Variants in RANBP2 observed in about 807,000 individuals in gnomAD.
The protein encoded by RANBP2 is RAN binding protein 2.
RANBP2 carries 57 observed loss-of-function variants against 303.6 expected under a neutral mutation model. The ratio of observed to expected loss-of-function variants is 0.19; its 90% CI spans 0.15 to 0.23. The LOEUF (loss-of-function observed/expected upper bound fraction) is 0.23. Ranked by LOEUF, RANBP2 falls within the 10% of genes least tolerant of loss-of-function variation. RANBP2 has a pLI of 1.00. For synonymous variants in RANBP2, 1,167 were observed against 1,301.5 expected (o/e 0.90, Z 2.23); for missense variants, 3,138 against 3,780.8 (o/e 0.83, Z 4.46).
the RANBP2 span, among the ~76,000 whole-genome samples, chr2:109,113,916 T>C: frequency 6.6e-6 from 1 of 152,272 alleles, no homozygotes; most frequent in Non-Finnish European, 1.5e-5. Flanking sequence ...TCTTTGGTTC[T>C]GTTTATATGC....
At chr2:109,401,206 C>A in the RANBP2 span, among the ~76,000 whole-genome samples, 1 of 152,180 alleles carries the variant, frequency 6.6e-6, no homozygotes, top group Non-Finnish European at 1.5e-5. Context: ...TAACTTTGGC[C>A]CAGAGCTGGG....
At chr2:109,127,593 C>G in the RANBP2 span, 1 of 152,212 alleles carries the variant, frequency 6.6e-6, no homozygotes, top group Non-Finnish European at 1.5e-5. Context: ...GCCTGTACTC[C>G]CAGCACTTTG....
the RANBP2 span, among the ~76,000 whole-genome samples, chr2:109,610,923 G>A: frequency 6.6e-6 from 1 of 152,184 alleles, no homozygotes. Context: ...ATCTGGGGGA[G>A]AGAAGAATAA....
chr2:109,394,088 G>C, the RANBP2 span, among the ~76,000 whole-genome samples: 2 of 152,150 alleles, frequency 1.3e-5, no homozygotes, highest in Non-Finnish European at 2.9e-5. Context: ...CAAGGCTAAA[G>C]AGCACTCTAA....
chr2:109,616,279 C>T, the RANBP2 span: 3 of 598,788 alleles, frequency 5.0e-6, no homozygotes, highest in Non-Finnish European at 7.4e-6. Context: ...TGTACCTCTT[C>T]TCTGCCCTCC....
At chr2:108,868,295 C>T in the RANBP2 span, among the ~76,000 whole-genome samples, 2 of 152,094 alleles carry the variant, frequency 1.3e-5, no homozygotes, top group East Asian at 1.9e-4. Flanking sequence ...CCCCTTTTTC[C>T]TTATTACTGA....
At chr2:109,600,155 C>A in the RANBP2 span, among the ~76,000 whole-genome samples, 4 of 151,894 alleles carry the variant, frequency 2.6e-5, no homozygotes, top group Non-Finnish European at 5.9e-5. Context: ...CAGACTTTGT[C>A]AGATCCACAC....
the RANBP2 span, chr2:108,908,000 C>T: frequency 6.2e-7 from 1 of 1,610,012 alleles, no homozygotes; most frequent in Non-Finnish European, 8.5e-7. Context: ...TGCTCATTCT[C>T]GGATGAGGCA....
the RANBP2 span, among the ~76,000 whole-genome samples, chr2:108,800,172 G>T: frequency 6.6e-6 from 1 of 152,052 alleles, no homozygotes; most frequent in East Asian, 1.9e-4. Context: ...AGACCTTCTG[G>T]TTAATGCATA....
At chr2:109,235,251 G>T in the RANBP2 span, among the ~76,000 whole-genome samples, 1 of 152,158 alleles carries the variant, frequency 6.6e-6, no homozygotes, top group Non-Finnish European at 1.5e-5. Context: ...GAATAGTTCT[G>T]GGAGGACTGG....
chr2:109,705,360 C>A, the RANBP2 span, among the ~76,000 whole-genome samples: 1 of 150,808 alleles, frequency 6.6e-6, no homozygotes, highest in Admixed American at 6.6e-5. Context: ...GAGCTGAGAT[C>A]ACACCATTGC....
chr2:109,264,742 C>T, the RANBP2 span, among the ~76,000 whole-genome samples: 2 of 152,200 alleles, frequency 1.3e-5, no homozygotes, highest in African/African-American at 4.8e-5. Flanking sequence ...GTGCCCTTCC[C>T]AGGCCCACTG....
At chr2:109,471,820 G>A in the RANBP2 span, among the ~76,000 whole-genome samples, 4 of 152,180 alleles carry the variant, frequency 2.6e-5, no homozygotes, top group South Asian at 8.3e-4. Context: ...TTTTGCATGG[G>A]GCACGTCTTG....
the RANBP2 span, among the ~76,000 whole-genome samples, chr2:109,358,077 A>G: frequency 3.3e-5 from 5 of 152,166 alleles, no homozygotes; most frequent in African/African-American, 1.2e-4. Flanking sequence ...ACCCCTGGCA[A>G]CCACTGACCT....
the RANBP2 span, among the ~76,000 whole-genome samples, chr2:109,287,310 G>A: frequency 6.6e-6 from 1 of 152,138 alleles, no homozygotes; most frequent in Non-Finnish European, 1.5e-5. Context: ...TGATGCCCTG[G>A]TGGAGAGGCG....
chr2:109,585,880 C>A, the RANBP2 span: 25 of 1,490,062 alleles, frequency 1.7e-5, no homozygotes, highest in South Asian at 2.8e-4. Flanking sequence ...ATAAAAAAAA[C>A]AACTTTGACT....
chr2:109,083,301 A>C, the RANBP2 span, among the ~76,000 whole-genome samples: 1 of 151,616 alleles, frequency 6.6e-6, no homozygotes, highest in African/African-American at 2.4e-5. Context: ...CATTCTCTCC[A>C]CCCACCACAG....
At chr2:109,702,680 C>T in the RANBP2 span, among the ~76,000 whole-genome samples, 1 of 152,286 alleles carries the variant, frequency 6.6e-6, no homozygotes, top group South Asian at 2.1e-4. Context: ...TACTTCCTGT[C>T]CTCTGCAACA....
In RANBP2 at chr2:108,763,599, A is replaced by G. The variant is rs1312609974; in HGVS notation, c.3060A>G (p.Pro1020=). The change falls in exon 20 of 29, where the codon CCA becomes CCG. Residue 1020 remains proline, a synonymous_variant. Transcript: ENST00000283195. ...MPGEGLRPSL[P]TQAHTTQPTP... is the part of the protein sequence containing the mutation. ...GTGAAGGATTAAGGCCATCTTTGCC[A>G]ACACAAGCACACACAACACAGCCAA... is the stretch of plus-strand genomic sequence containing the variant. The G allele has an allele frequency of 3.1e-6, 5 of 1,614,032 alleles. No homozygotes were observed. The Admixed American group carries it at 5.0e-5, about 16-fold the overall frequency.
Sources: allele counts gnomAD v4.1 joint callset (sites outside exome capture counted in the v4.1 genomes callset), GRCh38; gene constraint gnomAD v4.1.1; transcripts MANE v1.5; gene names NCBI Gene and HGNC (gene_info 2026-07-23, HGNC 2026-07-21).